The following PLEKHA3 variants were observed in gnomAD, a reference collection of about 807,000 sequenced individuals.
PLEKHA3 encodes pleckstrin homology domain containing A3.
In PLEKHA3, 19 loss-of-function variants were observed where a neutral mutation model predicts 39.2. The ratio of observed to expected loss-of-function variants is 0.48; its 90% CI spans 0.34 to 0.71. PLEKHA3 has a LOEUF of 0.71. Ranked by LOEUF, PLEKHA3 falls within the 30% of genes least tolerant of loss-of-function variation. The probability of loss-of-function intolerance (pLI) is 0.01; values close to 1 mark genes in which losing one functional copy is unlikely to be tolerated. For synonymous variants in PLEKHA3, 97 were observed against 118.6 expected (o/e 0.82, Z 1.18); for missense variants, 253 against 359.5 (o/e 0.70, Z 2.40).
In PLEKHA3 at chr2:178,494,964, TAA is replaced by T. The variant is rs553601185; in HGVS notation, c.451-530_451-529del. 4.3e-4 allele frequency among the ~76,000 whole-genome samples: 65 copies of T among 150,406 alleles called. No individual in the cohort carries two copies. In the South Asian group the frequency reaches 5.5e-3, roughly 13 times the overall value. ...AAACTAGGAAAAAATGAGCATTTAGTAAAGAGTGTTGGAATAGCCATGACTAG... is the reference window on the plus strand; with the variant it reads ...AAACTAGGAAAAAATGAGCATTTAGTAGAGTGTTGGAATAGCCATGACTAG... On this transcript the variant is annotated intron_variant, in intron 4 of 7. Coordinates refer to ENST00000234453, the MANE Select transcript of PLEKHA3 (RefSeq NM_019091.4).
At position 178,503,799 on chromosome 2, in the gene PLEKHA3, T is replaced by C. The variant is rs1685566445; in HGVS notation, c.815T>C (p.Leu272Ser). Residue 272 changes from leucine to serine, a missense_variant, in exon 8 of 8, where the codon TTG becomes TCG. This residue lies in a region of PLEKHA3 where 127 missense variants were observed against 136.8 expected (regional missense o/e 0.93). Coordinates refer to ENST00000234453, the MANE Select transcript of PLEKHA3 (RefSeq NM_019091.4). ...TCAAAAAATACACTTAATGGAGATTTGGCATCAGCAACCATTCCTGAAGAA... is the reference window on the plus strand; with the variant it reads ...TCAAAAAATACACTTAATGGAGATTCGGCATCAGCAACCATTCCTGAAGAA... ...HCSKNTLNGD[L>S]ASATIPEESR... is the part of the protein sequence containing the mutation. The C allele has an allele frequency of 6.2e-7, 1 of 1,611,910 alleles. No individual in the cohort carries two copies. The highest frequency in any genetic ancestry group is 8.5e-7 in the Non-Finnish European group (1 of 1,178,304).
chr2:178,481,022 C>T lies in PLEKHA3; in HGVS notation c.40+113C>T, dbSNP rs1251372310. On this transcript the variant is annotated intron_variant, in intron 1 of 7. Transcript: ENST00000234453. Reference sequence around the variant, plus strand: ...TCCGCGGACCCTCAGAGCGAATTCGCTCTACTCGATTCCAGGGCTTGTTGA... The same window carrying T: ...TCCGCGGACCCTCAGAGCGAATTCGTTCTACTCGATTCCAGGGCTTGTTGA... 3.0e-6 allele frequency: 3 copies of T among 1,004,540 alleles called. No individual in the cohort carries two copies. In the East Asian group the frequency reaches 9.1e-5, roughly 30 times the overall value. The allele number at this position is 1,004,540 out of a possible 1,614,324, so 62.2% of individuals were successfully genotyped here.
intron 2 of PLEKHA3, chr2:178,489,107 G>A (rs1435622097): frequency 2.9e-6 from 1 of 346,840 alleles, no homozygotes; most frequent in Non-Finnish European, 5.7e-6. Flanking sequence ...GTAGGTATTG[G>A]TGCTTTCACT....
rs1259387663 is a variant in PLEKHA3, at chr2:178,509,259, ATAG to A, written c.*5374_*5376del. ...ACTGAAAGTCTAGATTTAAATTCTA[ATAG>A]TGTATAAAAAATAAAAATTCTTTAG... On this transcript the variant is annotated 3_prime_UTR_variant, in exon 8 of 8. Coordinates refer to ENST00000234453, the MANE Select transcript of PLEKHA3 (RefSeq NM_019091.4). 2 of 152,156 alleles carry A rather than the reference ATAG, an allele frequency of 1.3e-5. No homozygotes were observed. The highest frequency in any genetic ancestry group is 3.9e-4 in the East Asian group (2 of 5,192). The allele number at this position is 152,156 out of a possible 1,614,324, so 9.4% of individuals were successfully genotyped here.
At chr2:178,483,429 G>A (rs959390689) in intron 1 of PLEKHA3, among the ~76,000 whole-genome samples, 4 of 152,006 alleles carry the variant, frequency 2.6e-5, no homozygotes, top group Non-Finnish European at 4.4e-5. Flanking sequence ...GAACCAATTA[G>A]AAATTGTTTT....
At chr2:178,491,080 G>A (rs529793822) in intron 3 of PLEKHA3, among the ~76,000 whole-genome samples, 4 of 146,702 alleles carry the variant, frequency 2.7e-5, no homozygotes, top group Non-Finnish European at 5.9e-5. Flanking sequence ...GCGCGATCTC[G>A]GCTTACTGCA....
At position 178,490,702 on chromosome 2, in the gene PLEKHA3, A is replaced by G. The variant is rs1490703038; in HGVS notation, c.201A>G (p.Gly67=). ...CAAGAATGGAATTAATCATTCCTGGAGAGCAGCATTTCTACATGAAGGCAG... is the reference window on the plus strand; with the variant it reads ...CAAGAATGGAATTAATCATTCCTGGGGAGCAGCATTTCTACATGAAGGCAG... The part of the protein sequence containing the change: ...DNTRMELIIP[G]EQHFYMKAVN... The change falls in exon 3 of 8, where the codon GGA becomes GGG. Residue 67 remains glycine (G), a synonymous_variant. Coordinates refer to ENST00000234453, the MANE Select transcript of PLEKHA3 (RefSeq NM_019091.4). 6.2e-7 allele frequency: 1 copy of G among 1,613,942 alleles called. No homozygotes were observed. Among genetic ancestry groups the G allele is most frequent in the African/African-American group, 1.3e-5 (1 of 74,938 alleles).
chr2:178,487,407 C>CTATTTCTT, intron 2 of PLEKHA3, among the ~76,000 whole-genome samples: 1 of 147,030 alleles, frequency 6.8e-6, no homozygotes, highest in Non-Finnish European at 1.5e-5. Context: ...AGAAGAGAAT[C>CTATTTCTT]TTTTTCTTTT....
At chr2:178,496,189 C>T (rs1372699222) in intron 5 of PLEKHA3, among the ~76,000 whole-genome samples, 2 of 152,166 alleles carry the variant, frequency 1.3e-5, no homozygotes, top group African/African-American at 2.4e-5. Context: ...TCACTGCAAA[C>T]GATCTGACCT....
chr2:178,504,057 T>C lies in PLEKHA3; in HGVS notation c.*170T>C. 1 of 595,590 alleles carries C rather than the reference T, an allele frequency of 1.7e-6. No homozygotes were observed. Among genetic ancestry groups the C allele is most frequent in the Non-Finnish European group, 2.7e-6 (1 of 375,434 alleles). The allele number at this position is 595,590 out of a possible 1,614,324, so 36.9% of individuals were successfully genotyped here. ...ATACTTTTGAAGTGTATTTTATCTT[T>C]ATATAGTTTGTTTGCAAGAGTATTT... On this transcript the variant is annotated 3_prime_UTR_variant, in exon 8 of 8. Coordinates refer to ENST00000234453, the MANE Select transcript of PLEKHA3 (RefSeq NM_019091.4).
In PLEKHA3 at chr2:178,499,272, TCTGA is replaced by T; in HGVS notation, c.659+21_659+24del. 6.2e-7 allele frequency: 1 copy of T among 1,610,730 alleles called. No homozygotes were observed. The highest frequency in any genetic ancestry group is 8.5e-7 in the Non-Finnish European group (1 of 1,178,552). The stretch of plus-strand genomic sequence containing the variant: ...TCAGAGAGGTAAAAGAACCTTTTCT[TCTGA>T]CTAAGTTCTCTCAAATTATATCCAT... On this transcript the variant is annotated intron_variant, in intron 6 of 7. Transcript: ENST00000234453.
chr2:178,495,365 G>T, intron 4 of PLEKHA3, 131 bp from the exon 5 acceptor site: 1 of 849,922 alleles, frequency 1.2e-6, no homozygotes, highest in East Asian at 2.9e-5. Flanking sequence ...CTAAGGTACT[G>T]TATTTTAAAT....
At chr2:178,482,207 T>A (rs544532574) in intron 1 of PLEKHA3, among the ~76,000 whole-genome samples, 1 of 152,252 alleles carries the variant, frequency 6.6e-6, no homozygotes, top group South Asian at 2.1e-4. Context: ...ATTTTGGCCA[T>A]TGTGAGAGCA....
intron 1 of PLEKHA3, 28 bp downstream of exon 1, chr2:178,480,937 AG>A (rs1165449860): frequency 7.9e-7 from 1 of 1,269,210 alleles, no homozygotes; most frequent in Non-Finnish European, 1.0e-6. Context: ...ATGAGGGAAG[AG>A]GGGAGAGGCG....
rs1157098958 is a variant in PLEKHA3, at chr2:178,503,992, A to G, written c.*105A>G. The stretch of plus-strand genomic sequence containing the variant: ...TTTTTCCCTTAGGACTCTGCACTTT[A>G]TAGAATGTTGTAAAACAGACAAACA... On this transcript the variant is annotated 3_prime_UTR_variant, in exon 8 of 8. Transcript: ENST00000234453. 3.3e-6 allele frequency: 4 copies of G among 1,229,108 alleles called. No individual in the cohort carries two copies. Among genetic ancestry groups the G allele is most frequent in the East Asian group, 2.4e-5 (1 of 41,684 alleles). The allele number at this position is 1,229,108 out of a possible 1,614,324, so 76.1% of individuals were successfully genotyped here. A position where few individuals can be genotyped will look rare whatever the true frequency, so the allele number is the denominator to read the frequency against.
intron 1 of PLEKHA3, 114 bp downstream of exon 1, chr2:178,481,023 T>G (rs1339421804): frequency 1.0e-6 from 1 of 979,798 alleles, no homozygotes; most frequent in East Asian, 3.0e-5. Flanking sequence ...GCGAATTCGC[T>G]CTACTCGATT....
At chr2:178,498,323 C>G (rs746002129) in intron 5 of PLEKHA3, among the ~76,000 whole-genome samples, 5 of 152,120 alleles carry the variant, frequency 3.3e-5, no homozygotes, top group African/African-American at 4.8e-5. Flanking sequence ...CTGGGTGGGT[C>G]ATATCTCTTA....
At chr2:178,493,819 G>T in intron 3 of PLEKHA3, 34 bp from the exon 4 acceptor site, 1 of 1,564,090 alleles carries the variant, frequency 6.4e-7, no homozygotes, top group Non-Finnish European at 8.8e-7. Context: ...ATATGAAAAT[G>T]ATCTAACTGT....
At chr2:178,480,950 G>A in intron 1 of PLEKHA3, 41 bp downstream of exon 1, 1 of 1,307,032 alleles carries the variant, frequency 7.7e-7, no homozygotes, top group Non-Finnish European at 9.8e-7. Flanking sequence ...GGAGAGGCGG[G>A]GGGCTGCTGA....
Sources: gnomAD v4.1 joint callset for allele counts (sites outside exome capture counted in the v4.1 genomes callset) on GRCh38, gnomAD v4.1.1 for gene constraint, gnomAD v4.1.1 regional missense constraint, MANE v1.5 for transcripts, NCBI Gene and HGNC (gene_info 2026-07-23, HGNC 2026-07-21) for gene names.